Variants in ENTPD5 observed in about 807,000 individuals in gnomAD.
ENTPD5 encodes ectonucleoside triphosphate diphosphohydrolase 5 (inactive), also known as nucleoside diphosphate phosphatase ENTPD5.
In ENTPD5, 49 loss-of-function variants were observed where a neutral mutation model predicts 60.2. The ratio of observed to expected loss-of-function variants is 0.81; its 90% CI spans 0.65 to 1.03. The LOEUF (loss-of-function observed/expected upper bound fraction) is 1.03. Ranked by LOEUF, ENTPD5 falls within the 50% of genes least tolerant of loss-of-function variation. The pLI is 0.00. For synonymous variants in ENTPD5, 187 were observed against 185.4 expected (o/e 1.01, Z -0.07); for missense variants, 480 against 507.6 (o/e 0.95, Z 0.52).
chr14:73,956,948 T>G (rs1432282045), downstream of ENTPD5, among the ~76,000 whole-genome samples: 1 of 152,134 alleles, frequency 6.6e-6, no homozygotes, highest in Non-Finnish European at 1.5e-5. Context: ...ATCACACTTG[T>G]GTGTGCATGT....
rs139964088 is a variant in ENTPD5, at chr14:73,968,820, A to C, written c.1200+1190T>G. Reference sequence around the variant, plus strand: ...CAGTTGATTGTTCTGTGTTGACCTGATGTAATAGAGCCTAGACACTGTGCC... The same window carrying C: ...CAGTTGATTGTTCTGTGTTGACCTGCTGTAATAGAGCCTAGACACTGTGCC... On this transcript the variant is annotated intron_variant, in intron 15 of 15. Coordinates refer to ENST00000334696, the MANE Select transcript of ENTPD5 (RefSeq NM_001249.5). Among the ~76,000 whole-genome samples, 196 of 152,288 alleles carry C rather than the reference A, an allele frequency of 1.3e-3. 1 individual carries two copies. The highest frequency in any genetic ancestry group is 4.6e-3 in the African/African-American group (190 of 41,566).
chr14:73,980,850 T>C (rs1594877165), intron 6 of ENTPD5, among the ~76,000 whole-genome samples: 2 of 152,040 alleles, frequency 1.3e-5, no homozygotes, highest in African/African-American at 4.8e-5. Context: ...GTAATCCCAG[T>C]ACTTTGGGAG....
At chr14:73,958,476 G>A (rs745889170), downstream of ENTPD5, 33 of 1,412,632 alleles carry the variant, frequency 2.3e-5, no homozygotes, top group Admixed American at 4.0e-4. Flanking sequence ...CTCATGGGCC[G>A]TCTTAGGTTG....
chr14:73,990,102 T>C (rs796713442), intron 3 of ENTPD5, among the ~76,000 whole-genome samples: 17 of 152,016 alleles, frequency 1.1e-4, no homozygotes, highest in African/African-American at 3.9e-4. Flanking sequence ...GGAAGACCAC[T>C]TGAGTCCAGG....
At chr14:74,000,274 T>A (rs777204068) in intron 3 of ENTPD5, among the ~76,000 whole-genome samples, 1 of 149,758 alleles carries the variant, frequency 6.7e-6, no homozygotes, top group Non-Finnish European at 1.5e-5. Context: ...CTGGGCAACA[T>A]GATGAAACCT....
downstream of ENTPD5, chr14:73,961,722 T>C (rs1271587409): frequency 6.2e-7 from 1 of 1,614,076 alleles, no homozygotes; most frequent in Admixed American, 1.7e-5. Flanking sequence ...ATTTAATCTT[T>C]CCTCTGCCCT....
intron 3 of ENTPD5, chr14:73,996,693 T>G (rs1232919280): frequency 6.6e-6 from 1 of 152,224 alleles, no homozygotes; most frequent in African/African-American, 2.4e-5. Context: ...TCTGTAATCT[T>G]AGCACTTTGG....
At chr14:73,997,851 T>C (rs1361779110) in intron 3 of ENTPD5, among the ~76,000 whole-genome samples, 1 of 152,170 alleles carries the variant, frequency 6.6e-6, no homozygotes, top group Admixed American at 6.5e-5. Flanking sequence ...GAATCCCAAA[T>C]GGACTTGGTA....
chr14:73,960,637 C>G, downstream of ENTPD5: 2 of 1,023,614 alleles, frequency 2.0e-6, no homozygotes, highest in Non-Finnish European at 2.4e-6. Flanking sequence ...TCTGGAGATA[C>G]TGAGAACAGT....
intron 3 of ENTPD5, among the ~76,000 whole-genome samples, chr14:73,989,464 G>A (rs12888014): frequency 1.2e-4 from 17 of 147,306 alleles, no homozygotes; most frequent in Admixed American, 3.4e-4. Context: ...TTGGGAGGCC[G>A]AGGCGGGCGG....
chr14:73,957,916 TGCC>T, downstream of ENTPD5: 1 of 494,548 alleles, frequency 2.0e-6, no homozygotes, highest in East Asian at 3.9e-5. Flanking sequence ...TAAGAAAGAG[TGCC>T]TCTGACAGAG....
chr14:74,000,742 C>T (rs2058482529), intron 3 of ENTPD5, among the ~76,000 whole-genome samples: 2 of 151,574 alleles, frequency 1.3e-5, no homozygotes. Flanking sequence ...CATGCCACTG[C>T]ACTCCAGCCT....
intron 3 of ENTPD5, among the ~76,000 whole-genome samples, chr14:73,993,553 C>T (rs1390745106): frequency 6.6e-6 from 1 of 152,162 alleles, no homozygotes; most frequent in African/African-American, 2.4e-5. Context: ...TACAGGATAG[C>T]TGCCTGGCCA....
rs200138773 is a variant in ENTPD5 at position 73,975,896 on chromosome 14, TACA to T, written c.722+37_722+39del. The T allele has an allele frequency of 1.6e-3, 2,373 of 1,471,756 alleles. 64 individuals carry two copies. The Admixed American group carries it at 0.042, about 26-fold the overall frequency. The allele number at this position is 1,471,756 out of a possible 1,614,324, so 91.2% of individuals were successfully genotyped here. On this transcript the variant is annotated intron_variant, in intron 10 of 15. Transcript: ENST00000334696. ...ATGCTTTGGAAAGTTAGGAGAATCA[TACA>T]ACATGAAATATTCTTCTTCCCTGTC... is the stretch of plus-strand genomic sequence containing the variant.
chr14:73,956,278 A>G (rs2056433590), downstream of ENTPD5: 1 of 295,588 alleles, frequency 3.4e-6, no homozygotes, highest in Admixed American at 4.2e-5. Context: ...CAGTGAGCCG[A>G]GATCACGCCA....
At chr14:73,990,901 C>T (rs571037365) in intron 3 of ENTPD5, among the ~76,000 whole-genome samples, 20 of 151,978 alleles carry the variant, frequency 1.3e-4, no homozygotes, top group African/African-American at 4.6e-4. Flanking sequence ...TGGTGGCATG[C>T]GCCAGTAGTC....
At chr14:73,956,068 T>C, downstream of ENTPD5, 1 of 1,228,880 alleles carries the variant, frequency 8.1e-7, no homozygotes. Context: ...CTCACGCCTG[T>C]AATCCCAGCA....
downstream of ENTPD5, chr14:73,962,566 A>AG (rs1027766854): frequency 5.3e-6 from 1 of 189,570 alleles, no homozygotes; most frequent in East Asian, 1.4e-4. Flanking sequence ...CTCTTGAAAA[A>AG]AAAAAATGAA....
rs142240988 is a variant in ENTPD5 at position 73,986,644 on chromosome 14, G to A, written c.297+170C>T. 9.8e-4 allele frequency: 594 copies of A among 608,716 alleles called. 3 individuals carry two copies. Among genetic ancestry groups the A allele is most frequent in the African/African-American group, 5.6e-3 (301 of 54,068 alleles). 37.7% of individuals were successfully genotyped at this position (608,716 alleles called of 1,614,324 possible). A position where few individuals can be genotyped will look rare whatever the true frequency, so the allele number is the denominator to read the frequency against. ...TAGCCTTCTTCCACCCAGCCCTCAT[G>A]AGCGTGGGAAATGTAATTAATTTTA... On this transcript the variant is annotated intron_variant, in intron 5 of 15. Transcript: ENST00000334696.
Sources: allele counts gnomAD v4.1 joint callset (sites outside exome capture counted in the v4.1 genomes callset), GRCh38; gene constraint gnomAD v4.1.1; transcripts MANE v1.5; gene names NCBI Gene and HGNC (gene_info 2026-07-23, HGNC 2026-07-21).